The following CADM2 variants were observed in gnomAD, a reference collection of about 807,000 sequenced individuals.
The protein encoded by CADM2 is immunoglobulin superfamily member 4D.
Under a neutral mutation model 49.8 loss-of-function variants are expected in CADM2, and 12 were observed. The observed-to-expected ratio is 0.24, with a 90% CI of 0.15 to 0.39. The LOEUF (loss-of-function observed/expected upper bound fraction) is 0.39, where lower values mean the gene tolerates loss of function less well. CADM2 is among the 10% of genes least tolerant of loss of function. The probability of loss-of-function intolerance (pLI) is 1.00; values close to 1 mark genes in which losing one functional copy is unlikely to be tolerated. For synonymous variants in CADM2, 214 were observed against 175.4 expected (o/e 1.22, Z -1.74); for missense variants, 378 against 492.3 (o/e 0.77, Z 2.20).
chr3:85,465,392 T>C (rs1453815243), intron 1 of CADM2, among the ~76,000 whole-genome samples: 1 of 152,092 alleles, frequency 6.6e-6, no homozygotes, highest in African/African-American at 2.4e-5. Flanking sequence ...GAAGTACATT[T>C]TGATGAACAA....
At chr3:85,159,959 T>G (rs1017911700) in intron 1 of CADM2, among the ~76,000 whole-genome samples, 2 of 152,162 alleles carry the variant, frequency 1.3e-5, no homozygotes, top group East Asian at 1.9e-4. Context: ...TAATTTGAAA[T>G]TTTTTGCAGC....
At chr3:85,219,776 G>GA (rs1216087669) in intron 1 of CADM2, among the ~76,000 whole-genome samples, 3 of 151,856 alleles carry the variant, frequency 2.0e-5, no homozygotes, top group Non-Finnish European at 4.4e-5. Flanking sequence ...TTTTCCATTT[G>GA]AAAAAAACAT....
chr3:85,079,108 T>C (rs1231523189), intron 1 of CADM2, among the ~76,000 whole-genome samples: 1 of 151,906 alleles, frequency 6.6e-6, no homozygotes, highest in Non-Finnish European at 1.5e-5. Flanking sequence ...ATTTTTATTA[T>C]CTAAAAGAAA....
At chr3:85,333,824 A>T (rs994483640) in intron 1 of CADM2, among the ~76,000 whole-genome samples, 5 of 151,820 alleles carry the variant, frequency 3.3e-5, no homozygotes, top group African/African-American at 1.2e-4. Context: ...TTGAGAAGAG[A>T]TAGTAATGTG....
intron 1 of CADM2, among the ~76,000 whole-genome samples, chr3:85,596,692 G>A (rs2063250328): frequency 6.6e-6 from 1 of 152,004 alleles, no homozygotes; most frequent in African/African-American, 2.4e-5. Context: ...ATCTCAAAAA[G>A]TTCTATTGGA....
chr3:86,034,566 T>G (rs7618401), intron 8 of CADM2, among the ~76,000 whole-genome samples: 4,894 of 152,038 alleles, frequency 0.032, 152 homozygotes, highest in African/African-American at 0.077. Flanking sequence ...CAAATTTATG[T>G]TATGCTGTTG....
In CADM2 at chr3:85,690,757, C is replaced by A. The variant is rs138001892; in HGVS notation, c.62-35765C>A. Among the ~76,000 whole-genome samples the A allele has an allele frequency of 4.6e-3, 706 of 152,256 alleles. 8 individuals are homozygous for A. The highest frequency in any genetic ancestry group is 0.016 in the African/African-American group (681 of 41,556). On this transcript the variant is annotated intron_variant, in intron 1 of 9. Coordinates refer to ENST00000383699, the MANE Select transcript of CADM2 (RefSeq NM_001167675.2). ...ATTCTCTTTTTTAGAAAAGACCTTT[C>A]TCTCCTTGTCTAGGAATTTTCTAAA... is the stretch of plus-strand genomic sequence containing the variant.
chr3:85,463,298 G>GA (rs1302755161), intron 1 of CADM2, among the ~76,000 whole-genome samples: 1 of 152,096 alleles, frequency 6.6e-6, no homozygotes, highest in Non-Finnish European at 1.5e-5. Flanking sequence ...AACTGATTTT[G>GA]AATGACATAT....
At position 85,379,745 on chromosome 3, in the gene CADM2, A is replaced by G. The variant is rs865885466; in HGVS notation, c.62-346777A>G. On this transcript the variant is annotated intron_variant, in intron 1 of 9. Coordinates refer to ENST00000383699, the MANE Select transcript of CADM2 (RefSeq NM_001167675.2). Reference sequence around the variant, plus strand: ...ACCCACAAGATTGTTTCCTTTTTTCATCAACAAAAATACATTTTATTCAAG... The same window carrying G: ...ACCCACAAGATTGTTTCCTTTTTTCGTCAACAAAAATACATTTTATTCAAG... Among the ~76,000 whole-genome samples the G allele has an allele frequency of 1.2e-4, 18 of 152,130 alleles. 1 individual carries two copies. Among genetic ancestry groups the G allele is most frequent in the Admixed American group, 5.2e-4 (8 of 15,252 alleles).
intron 1 of CADM2, among the ~76,000 whole-genome samples, chr3:85,294,546 A>G (rs1263554743): frequency 6.6e-6 from 1 of 152,104 alleles, no homozygotes; most frequent in Non-Finnish European, 1.5e-5. Flanking sequence ...ACTATACTAC[A>G]AGGCTACAGT....
At chr3:85,057,100 T>C (rs901488414) in intron 1 of CADM2, among the ~76,000 whole-genome samples, 2 of 152,136 alleles carry the variant, frequency 1.3e-5, no homozygotes, top group Non-Finnish European at 2.9e-5. Context: ...CAGAATATAT[T>C]GACAGATTTC....
chr3:85,314,296 G>C (rs181121822), intron 1 of CADM2, among the ~76,000 whole-genome samples: 2 of 151,946 alleles, frequency 1.3e-5, no homozygotes, highest in Admixed American at 6.6e-5. Context: ...TGTACATATA[G>C]ACCAGTATTG....
At chr3:86,041,565 C>T (rs1312211587) in intron 8 of CADM2, among the ~76,000 whole-genome samples, 1 of 152,134 alleles carries the variant, frequency 6.6e-6, no homozygotes, top group African/African-American at 2.4e-5. Context: ...AATATAGGAG[C>T]ACCCAGATTC....
intron 1 of CADM2, among the ~76,000 whole-genome samples, chr3:85,184,201 G>A (rs2041000753): frequency 6.6e-6 from 1 of 152,094 alleles, no homozygotes; most frequent in Non-Finnish European, 1.5e-5. Context: ...TTTTGATTGA[G>A]AGATTATGTG....
chr3:85,961,475 A>T lies in CADM2; in HGVS notation c.798A>T (p.Glu266Asp), dbSNP rs1724810095. ...GCATGTTTCAATCCAATAGGCCAGAACCTGTTTTGTGGACAAAGGATGGCG... is the reference window on the plus strand; with the variant it reads ...GCATGTTTCAATCCAATAGGCCAGATCCTGTTTTGTGGACAAAGGATGGCG... ...TCESKGKPLP[E>D]PVLWTKDGGE... Residue 266 changes from glutamate to aspartate, a missense_variant, in exon 8 of 10, where the codon GAA (glutamate) becomes GAT (aspartate). Transcript: ENST00000383699. 7 of 1,592,788 alleles carry T rather than the reference A, an allele frequency of 4.4e-6. No homozygotes were observed. The highest frequency in any genetic ancestry group is 6.0e-6 in the Non-Finnish European group (7 of 1,164,858).
intron 1 of CADM2, among the ~76,000 whole-genome samples, chr3:85,415,319 C>A (rs1424110708): frequency 1.3e-5 from 2 of 151,508 alleles, no homozygotes; most frequent in Non-Finnish European, 2.9e-5. Context: ...CTCGGGAATT[C>A]TGATCAAAGA....
chr3:85,140,001 A>C (rs574162950), intron 1 of CADM2, among the ~76,000 whole-genome samples: 2 of 152,300 alleles, frequency 1.3e-5, no homozygotes, highest in Admixed American at 1.3e-4. Flanking sequence ...GTTCAGTTTC[A>C]GGCTGGAGTT....
intron 1 of CADM2, among the ~76,000 whole-genome samples, chr3:85,571,798 G>T (rs2062486793): frequency 6.6e-6 from 1 of 152,116 alleles, no homozygotes; most frequent in Admixed American, 6.5e-5. Context: ...TGACTATTTT[G>T]TAAGGTCTGC....
chr3:85,085,922 T>C (rs2107511374), intron 1 of CADM2, among the ~76,000 whole-genome samples: 1 of 152,248 alleles, frequency 6.6e-6, no homozygotes, highest in Admixed American at 6.6e-5. Context: ...GGGTAGGGCA[T>C]CAGGGTGAGC....
Sources: allele counts gnomAD v4.1 joint callset (sites outside exome capture counted in the v4.1 genomes callset), GRCh38; gene constraint gnomAD v4.1.1; transcripts MANE v1.5; gene names NCBI Gene and HGNC (gene_info 2026-07-23, HGNC 2026-07-21).